Variants in MET observed in about 807,000 individuals in gnomAD.
The protein encoded by MET is MET proto-oncogene, receptor tyrosine kinase, also known as hepatocyte growth factor receptor.
Under a neutral mutation model 133.1 loss-of-function variants are expected in MET, and 48 were observed. That is an observed-to-expected ratio of 0.36 (90% confidence interval 0.29 to 0.46). The LOEUF (loss-of-function observed/expected upper bound fraction) is 0.46, where lower values mean the gene tolerates loss of function less well. Ranked by LOEUF, MET falls within the 20% of genes least tolerant of loss-of-function variation. The pLI is 1.00. For synonymous variants in MET, 628 were observed against 616.5 expected (o/e 1.02, Z -0.28); for missense variants, 1,442 against 1,695.9 (o/e 0.85, Z 2.63).
intron 1 of MET, among the ~76,000 whole-genome samples, chr7:116,685,993 C>A (rs528791880): frequency 6.6e-6 from 1 of 152,216 alleles, no homozygotes; most frequent in South Asian, 2.1e-4. Flanking sequence ...CCCAGGCCAC[C>A]AGGGTCCCCC....
intron 19 of MET, among the ~76,000 whole-genome samples, chr7:116,793,575 C>T (rs1002822713): frequency 6.6e-6 from 1 of 152,060 alleles, no homozygotes; most frequent in Admixed American, 6.6e-5. Context: ...TGTCAAGCAA[C>T]GTGAACTATT....
intron 2 of MET, chr7:116,724,988 C>A: frequency 4.7e-6 from 3 of 642,526 alleles, no homozygotes; most frequent in Non-Finnish European, 6.8e-6. Flanking sequence ...TGCAACTCAT[C>A]AATGCCTCCC....
intron 2 of MET, among the ~76,000 whole-genome samples, chr7:116,713,470 C>A (rs1331762345): frequency 6.6e-6 from 1 of 151,752 alleles, no homozygotes; most frequent in Non-Finnish European, 1.5e-5. Context: ...GCCACAGGAT[C>A]GTAATCCCAG....
chr7:116,751,551 T>G lies in MET; in HGVS notation c.1702-3804T>G, dbSNP rs181099511. 6.6e-5 allele frequency among the ~76,000 whole-genome samples: 10 copies of G among 152,310 alleles called. No individual in the cohort carries two copies. The East Asian group carries it at 1.9e-3, about 29-fold the overall frequency. ...GTATGGAGTTTCACTTTCTAATACA[T>G]GCAAGTTAACCTGCTTTTCAAGGTA... On this transcript the variant is annotated intron_variant, in intron 5 of 20. Coordinates refer to ENST00000397752, the MANE Select transcript of MET (RefSeq NM_000245.4).
intron 17 of MET, 31 bp downstream of exon 17, chr7:116,778,988 A>C: frequency 6.2e-7 from 1 of 1,611,030 alleles, no homozygotes; most frequent in South Asian, 1.1e-5. Context: ...ACTAACTGGC[A>C]AACTAGCTGT....
In MET at chr7:116,775,012, G is replaced by T; in HGVS notation, c.3160G>T (p.Asp1054Tyr). 1.2e-6 allele frequency: 2 copies of T among 1,614,140 alleles called. No individual in the cohort carries two copies. The highest frequency in any genetic ancestry group is 1.7e-6 in the Non-Finnish European group (2 of 1,180,012). ...ATTACTGCAAAATACTGTCCACATT[G>T]ACCTCAGTGCTCTAAATCCAGAGCT... ...SPLLQNTVHI[D>Y]LSALNPELVQ... Residue 1054 changes from aspartate to tyrosine, a missense_variant, in exon 15 of 21, where the codon GAC becomes TAC. Around this residue, in one of 6 missense-constraint regions of MET, gnomAD observed 514 missense variants for 659.6 expected, o/e 0.78. Transcript: ENST00000397752.
chr7:116,716,150 G>A (rs113080858), intron 2 of MET, among the ~76,000 whole-genome samples: 6,506 of 152,008 alleles, frequency 0.043, 175 homozygotes, highest in South Asian at 0.069. Flanking sequence ...TACTCTGGAT[G>A]CTGAGGAGGG....
chr7:116,765,704 C>G (rs921807110), intron 11 of MET, among the ~76,000 whole-genome samples: 1 of 152,130 alleles, frequency 6.6e-6, no homozygotes, highest in South Asian at 2.1e-4. Flanking sequence ...CCCCAAATGC[C>G]TCTATCAACA....
intron 5 of MET, among the ~76,000 whole-genome samples, chr7:116,752,071 A>G (rs78243835): frequency 0.019 from 2,896 of 152,214 alleles, 54 homozygotes; most frequent in Non-Finnish European, 0.028. Flanking sequence ...AATAAAAAAA[A>G]AGAAAGAAAG....
At chr7:116,783,599 A>C (rs1418262887) in intron 19 of MET, 130 bp downstream of exon 19, 2 of 933,760 alleles carry the variant, frequency 2.1e-6, no homozygotes, top group Non-Finnish European at 3.3e-6. Flanking sequence ...ATATGTAAAA[A>C]TGGACTTGTC....
intron 1 of MET, among the ~76,000 whole-genome samples, chr7:116,682,294 T>C (rs1796390255): frequency 6.6e-6 from 1 of 152,234 alleles, no homozygotes; most frequent in South Asian, 2.1e-4. Context: ...TAACTTAGAC[T>C]GGTATCCAGG....
intron 2 of MET, among the ~76,000 whole-genome samples, chr7:116,728,723 C>G (rs1036059471): frequency 6.6e-6 from 1 of 152,178 alleles, no homozygotes; most frequent in Non-Finnish European, 1.5e-5. Flanking sequence ...AGGCATAATA[C>G]AGGGTCCTGG....
intron 5 of MET, among the ~76,000 whole-genome samples, chr7:116,747,464 G>A (rs1388012901): frequency 6.6e-6 from 1 of 152,106 alleles, no homozygotes; most frequent in South Asian, 2.1e-4. Flanking sequence ...AAAAAAAGCA[G>A]GGGTTGCAAT....
At chr7:116,712,133 A>G (rs944169248) in intron 2 of MET, among the ~76,000 whole-genome samples, 2 of 152,022 alleles carry the variant, frequency 1.3e-5, no homozygotes, top group Non-Finnish European at 2.9e-5. Context: ...CTCCCTCACA[A>G]CCCTGCCTTA....
intron 1 of MET, among the ~76,000 whole-genome samples, chr7:116,686,474 A>G (rs1208069537): frequency 1.3e-5 from 2 of 152,064 alleles, no homozygotes; most frequent in Admixed American, 6.5e-5. Context: ...ACACACATCA[A>G]CTTCTGAAAC....
chr7:116,725,186 G>A (rs1485442575), intron 2 of MET, among the ~76,000 whole-genome samples: 1 of 152,068 alleles, frequency 6.6e-6, no homozygotes, highest in African/African-American at 2.4e-5. Flanking sequence ...TCAACTCTCT[G>A]AATCTTAGTT....
intron 19 of MET, among the ~76,000 whole-genome samples, chr7:116,789,489 C>T (rs926891078): frequency 6.6e-6 from 1 of 152,174 alleles, no homozygotes; most frequent in Non-Finnish European, 1.5e-5. Flanking sequence ...TGTGTAACCA[C>T]CACCCCAACA....
chr7:116,679,649 C>T (rs1487118687), intron 1 of MET, among the ~76,000 whole-genome samples: 1 of 152,106 alleles, frequency 6.6e-6, no homozygotes, highest in Admixed American at 6.5e-5. Context: ...CACGAGTTGT[C>T]ATAATATAGG....
chr7:116,699,678 C>T lies in MET; in HGVS notation c.594C>T (p.Gly198=), dbSNP rs549459978. The part of the protein sequence containing the change: ...VKDRFINFFV[G]NTINSSYFPD... The stretch of plus-strand genomic sequence containing the variant: ...ACCGGTTCATCAACTTCTTTGTAGG[C>T]AATACCATAAATTCTTCTTATTTCC... Residue 198 remains glycine (G), a synonymous_variant, in exon 2 of 21, where the codon GGC becomes GGT. Coordinates refer to ENST00000397752, the MANE Select transcript of MET (RefSeq NM_000245.4). 1 of 1,613,996 alleles carries T rather than the reference C, an allele frequency of 6.2e-7. No homozygotes were observed. Among genetic ancestry groups the T allele is most frequent in the East Asian group, 2.2e-5 (1 of 44,886 alleles).
Sources: gnomAD v4.1 joint callset for allele counts (sites outside exome capture counted in the v4.1 genomes callset) on GRCh38, gnomAD v4.1.1 for gene constraint, gnomAD v4.1.1 regional missense constraint, MANE v1.5 for transcripts, NCBI Gene and HGNC (gene_info 2026-07-23, HGNC 2026-07-21) for gene names.